Variants in TXNDC16 observed in about 807,000 individuals in gnomAD.
The protein encoded by TXNDC16 is thioredoxin domain containing 16.
Under a neutral mutation model 85.6 loss-of-function variants are expected in TXNDC16, and 74 were observed. The observed-to-expected ratio is 0.86, with a 90% confidence interval of 0.72 to 1.05. The LOEUF (loss-of-function observed/expected upper bound fraction) is 1.05, where lower values mean the gene tolerates loss of function less well. TXNDC16 is among the 50% of genes least tolerant of loss of function. TXNDC16 has a pLI of 0.00. For synonymous variants in TXNDC16, 335 were observed against 326.5 expected, an observed-to-expected ratio of 1.03 and a Z score of -0.28; for missense variants, 959 against 947.0, an observed-to-expected ratio of 1.01 and a Z score of -0.17.
intron 20 of TXNDC16, among the ~76,000 whole-genome samples, chr14:52,433,480 T>G (rs1448361429): frequency 2.6e-5 from 4 of 152,212 alleles, no homozygotes; most frequent in Non-Finnish European, 5.9e-5. Context: ...ATCTATGCAC[T>G]GTTACATGCT....
chr14:52,482,434 C>G (rs903797710), intron 13 of TXNDC16, 145 bp from the exon 14 acceptor site: 1 of 699,588 alleles, frequency 1.4e-6, no homozygotes, highest in Non-Finnish European at 2.3e-6. Flanking sequence ...TCAACATAGT[C>G]CAACCACTTA....
chr14:52,484,259 G>A (rs1280445213), intron 12 of TXNDC16, among the ~76,000 whole-genome samples: 1 of 151,880 alleles, frequency 6.6e-6, no homozygotes, highest in Non-Finnish European at 1.5e-5. Context: ...GCCAAGTAAT[G>A]GATAACAAGA....
intron 1 of TXNDC16, among the ~76,000 whole-genome samples, chr14:52,551,817 T>C (rs1465204727): frequency 1.3e-5 from 2 of 152,312 alleles, no homozygotes; most frequent in South Asian, 2.1e-4. Context: ...CTTCGATACA[T>C]GTGGAATTTA....
At chr14:52,449,181 C>T (rs747568283) in intron 18 of TXNDC16, among the ~76,000 whole-genome samples, 2 of 151,500 alleles carry the variant, frequency 1.3e-5, no homozygotes, top group African/African-American at 4.8e-5. Flanking sequence ...AATAAGATCC[C>T]ATGATCAGTT....
Position 52,537,610 on chromosome 14 carries a change from T to C in TXNDC16, c.306A>G (p.Ala102=), listed in dbSNP as rs2037732682. ...YCGKEKDLMK[A]YLFKGNILLR... ...GGAAAATAGCTTACTTGAATAAATATGCTTTCATCAAATCCTTTTCTTTTC... is the reference window on the plus strand; with the variant it reads ...GGAAAATAGCTTACTTGAATAAATACGCTTTCATCAAATCCTTTTCTTTTC... The change falls in exon 5 of 21, where the codon GCA becomes GCG. Residue 102 remains alanine, a synonymous_variant. Transcript: ENST00000281741. 5 of 1,586,010 alleles carry C rather than the reference T, an allele frequency of 3.2e-6. No homozygotes were observed. The highest frequency in any genetic ancestry group is 1.7e-4 in the Middle Eastern group (1 of 6,016).
chr14:52,550,134 T>A (rs896031653), intron 1 of TXNDC16, among the ~76,000 whole-genome samples: 1 of 152,220 alleles, frequency 6.6e-6, no homozygotes, highest in Non-Finnish European at 1.5e-5. Context: ...ATAAAATTAA[T>A]GGCTTTTCCT....
intron 9 of TXNDC16, among the ~76,000 whole-genome samples, chr14:52,492,104 T>C (rs560221180): frequency 1.3e-5 from 2 of 152,064 alleles, no homozygotes; most frequent in Non-Finnish European, 1.5e-5. Flanking sequence ...CTCTATGAGT[T>C]TAAACAACTG....
In TXNDC16 at chr14:52,530,326, T is replaced by A. The variant is rs191081132; in HGVS notation, c.392+6393A>T. Among the ~76,000 whole-genome samples the A allele has an allele frequency of 8.6e-4, 41 of 47,644 alleles. 5 individuals are homozygous for A. The East Asian group carries it at 0.035, about 41-fold the overall frequency. 31.3% of individuals were successfully genotyped at this position (47,644 alleles called of 152,430 possible). On this transcript the variant is annotated intron_variant, in intron 6 of 20. Transcript: ENST00000281741. ...ATTAATATATAATATATAATTATTT[T>A]TATATTATATATAATTATATATTAT...
chr14:52,437,568 T>TA (rs1003708942), intron 20 of TXNDC16, among the ~76,000 whole-genome samples: 5 of 151,368 alleles, frequency 3.3e-5, no homozygotes, highest in Admixed American at 6.6e-5. Context: ...CACATCAAGT[T>TA]AAAAAAAAGC....
At chr14:52,443,930 T>C (rs1396331648) in intron 18 of TXNDC16, among the ~76,000 whole-genome samples, 1 of 151,878 alleles carries the variant, frequency 6.6e-6, no homozygotes, top group East Asian at 1.9e-4. Context: ...CATCAGCTGG[T>C]AGTGATGGTA....
intron 9 of TXNDC16, among the ~76,000 whole-genome samples, chr14:52,499,609 CAA>C (rs201990030): frequency 4.7e-5 from 6 of 126,864 alleles, no homozygotes; most frequent in Non-Finnish European, 1.7e-5. Flanking sequence ...TGGCCACTAT[CAA>C]AAAAAAAAAA....
rs145731656 is a variant in TXNDC16, at chr14:52,511,309, T to C, written c.687A>G (p.Thr229=). The C allele has an allele frequency of 1.0e-4, 166 of 1,609,484 alleles. No homozygotes were observed. In the African/African-American group the frequency reaches 1.8e-3, roughly 17 times the overall value. The part of the protein sequence containing the change: ...VLDLTQQCRR[T]LMEQPLTTLN... ...GTGTAGTCAATGGCTGTTCCATTAG[T>C]GTTCTTCTACATTGCTGGGTCAAGT... Residue 229 remains threonine, a synonymous_variant, in exon 9 of 21, where the codon ACA becomes ACG. Transcript: ENST00000281741.
At chr14:52,532,845 G>A (rs1355708083) in intron 6 of TXNDC16, among the ~76,000 whole-genome samples, 1 of 152,106 alleles carries the variant, frequency 6.6e-6, no homozygotes, top group Non-Finnish European at 1.5e-5. Flanking sequence ...GCATCCAAAA[G>A]TAAGAAGATA....
intron 16 of TXNDC16, among the ~76,000 whole-genome samples, chr14:52,460,945 T>A (rs2035639489): frequency 1.3e-5 from 2 of 151,820 alleles, no homozygotes; most frequent in South Asian, 4.2e-4. Flanking sequence ...TATATACAAA[T>A]CTCATTTCAG....
intron 11 of TXNDC16, among the ~76,000 whole-genome samples, chr14:52,490,096 T>C (rs2036365167): frequency 6.6e-6 from 1 of 152,094 alleles, no homozygotes; most frequent in Non-Finnish European, 1.5e-5. Context: ...CCCAAAGTGC[T>C]AGATTACAGG....
At chr14:52,531,766 A>C (rs1463128431) in intron 6 of TXNDC16, among the ~76,000 whole-genome samples, 2 of 152,210 alleles carry the variant, frequency 1.3e-5, no homozygotes, top group African/African-American at 4.8e-5. Context: ...TAGAATGTAG[A>C]ACACAAAGAG....
intron 18 of TXNDC16, among the ~76,000 whole-genome samples, chr14:52,453,698 T>G (rs2035463984): frequency 6.6e-6 from 1 of 152,096 alleles, no homozygotes; most frequent in Non-Finnish European, 1.5e-5. Context: ...GGAAGAGGAC[T>G]ATTGAAAAAA....
intron 9 of TXNDC16, among the ~76,000 whole-genome samples, chr14:52,493,838 T>C (rs2036470873): frequency 6.6e-6 from 1 of 151,962 alleles, no homozygotes; most frequent in African/African-American, 2.4e-5. Context: ...GAGTGCAGTG[T>C]CAGGATCTCA....
intron 8 of TXNDC16, among the ~76,000 whole-genome samples, chr14:52,514,318 C>T (rs1371067291): frequency 1.3e-5 from 2 of 152,088 alleles, no homozygotes. Flanking sequence ...CCATTGTGCC[C>T]TGTTTTGGAT....
Sources: allele counts gnomAD v4.1 joint callset (sites outside exome capture counted in the v4.1 genomes callset), GRCh38; gene constraint gnomAD v4.1.1; transcripts MANE v1.5; gene names NCBI Gene and HGNC (gene_info 2026-07-23, HGNC 2026-07-21).